GLIS1: variants seen among roughly 807,000 people sequenced by gnomAD.
GLIS1 encodes zinc finger protein GLIS1.
A neutral mutation model predicts 63.8 loss-of-function variants in GLIS1; 24 were observed. That is an observed-to-expected ratio of 0.38 (90% confidence interval 0.27 to 0.53). The LOEUF is 0.53. Ranked by LOEUF, GLIS1 falls within the 20% of genes least tolerant of loss-of-function variation. The pLI is 0.85. For missense variants in GLIS1, 1,036 were observed against 1,074.1 expected (o/e 0.96, Z 0.50); for synonymous variants, 450 against 482.5 (o/e 0.93, Z 0.88).
rs115228597 is a variant in GLIS1, at chr1:53,600,570, G to T, written c.260-292C>A. Among the ~76,000 whole-genome samples the T allele has an allele frequency of 5.7e-3, 870 of 152,286 alleles. 13 individuals carry two copies. Among genetic ancestry groups the T allele is most frequent in the African/African-American group, 0.02 (826 of 41,548 alleles). ...CCTATGTACAAACACTGTTCTAGGTGCAGGAAACACTGGTAAACAAGAGAA... is the reference window on the plus strand; with the variant it reads ...CCTATGTACAAACACTGTTCTAGGTTCAGGAAACACTGGTAAACAAGAGAA... On this transcript the variant is annotated intron_variant, in intron 2 of 10. Transcript: ENST00000628545.
chr1:53,675,702 C>A (rs1646203887), intron 2 of GLIS1, among the ~76,000 whole-genome samples: 1 of 152,180 alleles, frequency 6.6e-6, no homozygotes, highest in Admixed American at 6.5e-5. Context: ...CGGTTTTCCT[C>A]ATTTTGGCAG....
At position 53,737,783 on chromosome 1, in the gene GLIS1, C is replaced by G. The variant is rs1646925359; in HGVS notation, c.259+23G>C. ...CCGAATCTCCACAGGAGCCGCCAGG[C>G]ACGTTGGCAGGGCCGAACTCACCCT... On this transcript the variant is annotated intron_variant, in intron 2 of 10. Coordinates refer to ENST00000628545, the MANE Select transcript of GLIS1 (RefSeq NM_001367484.1). The G allele has an allele frequency of 5.7e-6, 7 of 1,230,938 alleles. 1 individual carries two copies. The African/African-American group carries it at 7.8e-5, about 14-fold the overall frequency. The allele number at this position is 1,230,938 out of a possible 1,614,324, so 76.3% of individuals were successfully genotyped here.
At chr1:53,533,501 C>T (rs945399955) in intron 4 of GLIS1, among the ~76,000 whole-genome samples, 1 of 152,238 alleles carries the variant, frequency 6.6e-6, no homozygotes, top group African/African-American at 2.4e-5. Flanking sequence ...CTCCCCGCCC[C>T]CTGGAACTTT....
chr1:53,517,378 G>T (rs760145781), intron 7 of GLIS1, among the ~76,000 whole-genome samples: 1 of 152,192 alleles, frequency 6.6e-6, no homozygotes, highest in African/African-American at 2.4e-5. Flanking sequence ...CCCAGCTTGG[G>T]GGAAGGTGCC....
At position 53,634,877 on chromosome 1, in the gene GLIS1, A is replaced by G. The variant is rs547416905; in HGVS notation, c.260-34599T>C. On this transcript the variant is annotated intron_variant, in intron 2 of 10. Transcript: ENST00000628545. Reference sequence around the variant, plus strand: ...ACACTGAGATGCATTCCTGCAGCTCATTAATGCATTGGCTCCCCACCGCCT... The same window carrying G: ...ACACTGAGATGCATTCCTGCAGCTCGTTAATGCATTGGCTCCCCACCGCCT... Among the ~76,000 whole-genome samples the G allele has an allele frequency of 2.0e-5, 3 of 152,044 alleles. 1 individual carries two copies. Among genetic ancestry groups the G allele is most frequent in the Non-Finnish European group, 4.4e-5 (3 of 67,996 alleles).
chr1:53,612,967 C>A (rs1030456633), intron 2 of GLIS1, among the ~76,000 whole-genome samples: 48 of 152,082 alleles, frequency 3.2e-4, no homozygotes, highest in African/African-American at 7.2e-5. Context: ...TACAGGCACC[C>A]ACCACCACGT....
chr1:53,648,975 T>A (rs1295230859), intron 2 of GLIS1, among the ~76,000 whole-genome samples: 5 of 152,236 alleles, frequency 3.3e-5, no homozygotes, highest in Non-Finnish European at 5.9e-5. Context: ...TATATACAGT[T>A]GACTCTTGAA....
chr1:53,736,545 A>G (rs1646914411), intron 2 of GLIS1, among the ~76,000 whole-genome samples: 1 of 152,138 alleles, frequency 6.6e-6, no homozygotes, highest in Admixed American at 6.5e-5. Flanking sequence ...CCTCTCTGGT[A>G]AAAGAGACCT....
At chr1:53,735,952 T>G (rs770830738) in intron 2 of GLIS1, among the ~76,000 whole-genome samples, 91 of 152,136 alleles carry the variant, frequency 6.0e-4, no homozygotes, top group Admixed American at 4.2e-3. Context: ...GCCTTCCCTT[T>G]CTCCCTAGGC....
At chr1:53,572,587 T>C (rs1644993779) in intron 4 of GLIS1, among the ~76,000 whole-genome samples, 1 of 152,198 alleles carries the variant, frequency 6.6e-6, no homozygotes, top group African/African-American at 2.4e-5. Context: ...CTCCGTGCAG[T>C]CAGGGGACGT....
chr1:53,516,180 G>A (rs1383615307), intron 7 of GLIS1, among the ~76,000 whole-genome samples: 1 of 152,094 alleles, frequency 6.6e-6, no homozygotes, highest in African/African-American at 2.4e-5. Flanking sequence ...GTTACATGCT[G>A]AATAGCACTC....
chr1:53,569,303 G>C (rs1406302036), intron 4 of GLIS1, among the ~76,000 whole-genome samples: 1 of 152,164 alleles, frequency 6.6e-6, no homozygotes, highest in Admixed American at 6.5e-5. Flanking sequence ...TGGACTTTGG[G>C]TGATAATGAT....
At chr1:53,725,651 C>G (rs929626042) in intron 2 of GLIS1, among the ~76,000 whole-genome samples, 1 of 152,192 alleles carries the variant, frequency 6.6e-6, no homozygotes, top group African/African-American at 2.4e-5. Flanking sequence ...TCCATGGTGT[C>G]CCAGGGCAGA....
intron 2 of GLIS1, among the ~76,000 whole-genome samples, chr1:53,661,552 AAGGGG>A (rs1646028353): frequency 6.6e-6 from 1 of 152,186 alleles, no homozygotes. Context: ...AAATCTCTTA[AAGGGG>A]AGGCGTGGGG....
intron 2 of GLIS1, among the ~76,000 whole-genome samples, chr1:53,697,791 T>C (rs987841656): frequency 6.6e-5 from 10 of 152,224 alleles, no homozygotes; most frequent in African/African-American, 2.4e-4. Flanking sequence ...TACTACACTT[T>C]TACTGATTAT....
intron 2 of GLIS1, among the ~76,000 whole-genome samples, chr1:53,690,756 G>A (rs923772256): frequency 6.6e-6 from 1 of 152,226 alleles, no homozygotes; most frequent in African/African-American, 2.4e-5. Context: ...CATTCCGGCA[G>A]AGGGGTTGGC....
intron 2 of GLIS1, among the ~76,000 whole-genome samples, chr1:53,602,586 T>C (rs1306732364): frequency 6.6e-6 from 1 of 151,990 alleles, no homozygotes; most frequent in African/African-American, 2.4e-5. Flanking sequence ...CTAGAAAGGG[T>C]GGACAGCCAG....
At position 53,598,118 on chromosome 1, in the gene GLIS1, C is replaced by A. The variant is rs1043820245; in HGVS notation, c.437+1983G>T. Among the ~76,000 whole-genome samples, 1 of 152,094 alleles carries A rather than the reference C, an allele frequency of 6.6e-6. No individual in the cohort carries two copies. Among genetic ancestry groups the A allele is most frequent in the African/African-American group, 2.4e-5 (1 of 41,420 alleles). On this transcript the variant is annotated intron_variant, in intron 3 of 10. Transcript: ENST00000628545. This position sits in a 1 kb window ranked among gnomAD's most constrained non-coding sequence, Gnocchi z 4.6. The stretch of plus-strand genomic sequence containing the variant: ...TCCTTGCTATGGACTGATTTGTGTC[C>A]CCCCAAAATTTATACATTGAAGCCC...
At chr1:53,590,823 G>C (rs2100520758) in intron 4 of GLIS1, among the ~76,000 whole-genome samples, 1 of 152,292 alleles carries the variant, frequency 6.6e-6, no homozygotes, top group East Asian at 1.9e-4. Flanking sequence ...TTGACCTTGG[G>C]GGTCCAGCAA....
Sources: gnomAD v4.1 joint callset for allele counts (sites outside exome capture counted in the v4.1 genomes callset) on GRCh38, gnomAD v4.1.1 for gene constraint, Gnocchi (gnomAD v3.1) non-coding constraint, MANE v1.5 for transcripts, NCBI Gene and HGNC (gene_info 2026-07-23, HGNC 2026-07-21) for gene names.